TJP2: variants seen among roughly 807,000 people sequenced by gnomAD.
TJP2 encodes the protein tight junction protein 2.
TJP2 carries 91 observed loss-of-function variants against 133.1 expected under a neutral mutation model. The observed-to-expected ratio is 0.68, with a 90% CI of 0.58 to 0.81. The LOEUF (loss-of-function observed/expected upper bound fraction) is 0.81. TJP2 is among the 40% of genes least tolerant of loss of function. The pLI is 0.00. For missense variants in TJP2, 1,541 were observed against 1,565.6 expected, an observed-to-expected ratio of 0.98 and a Z score of 0.26; for synonymous variants, 592 against 583.4, an observed-to-expected ratio of 1.01 and a Z score of -0.21.
At chr9:69,201,438 G>A (rs949434710) in intron 1 of TJP2, among the ~76,000 whole-genome samples, 4 of 150,394 alleles carry the variant, frequency 2.7e-5, no homozygotes, top group South Asian at 2.1e-4. Flanking sequence ...TCCCCACCCC[G>A]CTAATCCTGT....
At chr9:69,122,479 C>CA (rs1822189291) in intron 1 of TJP2, among the ~76,000 whole-genome samples, 2 of 152,282 alleles carry the variant, frequency 1.3e-5, no homozygotes, top group South Asian at 4.1e-4. Flanking sequence ...ATTTAAACAA[C>CA]AAAAAAATTT....
intron 1 of TJP2, among the ~76,000 whole-genome samples, chr9:69,133,814 G>A (rs544524859): frequency 2.6e-5 from 4 of 152,080 alleles, no homozygotes; most frequent in Non-Finnish European, 4.4e-5. Context: ...GCCTCCCAAC[G>A]TGCTGGGATT....
chr9:69,174,520 G>T, intron 1 of TJP2, 88 bp downstream of exon 1: 1 of 1,405,690 alleles, frequency 7.1e-7, no homozygotes, highest in Non-Finnish European at 9.8e-7. Context: ...GTGCTGCTCT[G>T]AAGTTGTTCC....
chr9:69,202,451 A>G (rs1424909672), intron 1 of TJP2, among the ~76,000 whole-genome samples: 1 of 152,216 alleles, frequency 6.6e-6, no homozygotes, highest in Non-Finnish European at 1.5e-5. Context: ...ATGAGAGGTT[A>G]GGAGTGCCGA....
intron 4 of TJP2, among the ~76,000 whole-genome samples, chr9:69,220,347 T>G (rs1828722156): frequency 6.6e-6 from 1 of 152,256 alleles, no homozygotes; most frequent in Admixed American, 6.5e-5. Flanking sequence ...ATTTGGAATA[T>G]CCATCACCTT....
chr9:69,207,612 T>A (rs560269579), intron 1 of TJP2, among the ~76,000 whole-genome samples: 1 of 152,326 alleles, frequency 6.6e-6, no homozygotes, highest in South Asian at 2.1e-4. Context: ...ATACCTTTAA[T>A]TCTGATATAT....
At chr9:69,156,842 T>C (rs1823795434) in intron 2 of TJP2, among the ~76,000 whole-genome samples, 1 of 152,176 alleles carries the variant, frequency 6.6e-6, no homozygotes, top group African/African-American at 2.4e-5. Flanking sequence ...TTTACTACAT[T>C]GGTTCCATCT....
intron 1 of TJP2, among the ~76,000 whole-genome samples, chr9:69,201,818 C>T (rs1045956503): frequency 5.3e-5 from 8 of 152,122 alleles, no homozygotes; most frequent in Non-Finnish European, 8.8e-5. Context: ...ACCACGTAGA[C>T]GAACCTTGAG....
intron 1 of TJP2, among the ~76,000 whole-genome samples, chr9:69,193,364 T>A (rs765759455): frequency 1.3e-5 from 2 of 152,064 alleles, no homozygotes; most frequent in Non-Finnish European, 2.9e-5. Context: ...GGCAGTGGCC[T>A]TTGATGATTT....
At chr9:69,211,371 A>T (rs1827900772) in intron 1 of TJP2, among the ~76,000 whole-genome samples, 1 of 152,130 alleles carries the variant, frequency 6.6e-6, no homozygotes, top group Non-Finnish European at 1.5e-5. Flanking sequence ...ACCAACATAT[A>T]CACATATTAT....
At chr9:69,248,633 A>G in intron 19 of TJP2, 1 of 1,086,548 alleles carries the variant, frequency 9.2e-7, no homozygotes, top group East Asian at 5.8e-5. Flanking sequence ...AACCTTTCTA[A>G]TCTTGCCAAA....
At chr9:69,223,069 GAAAAAAAAAA>G (rs57114714) in intron 5 of TJP2, among the ~76,000 whole-genome samples, 6 of 114,120 alleles carry the variant, frequency 5.3e-5, no homozygotes, top group East Asian at 4.2e-4. Flanking sequence ...ACTCTGTCTT[GAAAAAAAAAA>G]AAAAAAAAAA....
At position 69,230,986 on chromosome 9, in the gene TJP2, TAACTC is replaced by T. The variant is rs574644315; in HGVS notation, c.1671+759_1671+763del. 5.5e-3 allele frequency among the ~76,000 whole-genome samples: 833 copies of T among 152,296 alleles called. 16 individuals carry two copies. Among genetic ancestry groups the T allele is most frequent in the Non-Finnish European group, 3.8e-3 (261 of 68,016 alleles). On this transcript the variant is annotated intron_variant, in intron 11 of 22. Transcript: ENST00000377245. Reference sequence around the variant, plus strand: ...TATAATCTGTTAAGGAATTAAAAAATAACTCAACTTGACATTTGTGTATGTGTGTG... The same window carrying T: ...TATAATCTGTTAAGGAATTAAAAAATAACTTGACATTTGTGTATGTGTGTG...
At chr9:69,184,133 CAG>C (rs1319920664) in intron 1 of TJP2, among the ~76,000 whole-genome samples, 7 of 152,246 alleles carry the variant, frequency 4.6e-5, no homozygotes, top group African/African-American at 1.7e-4. Flanking sequence ...TTCTCATGTT[CAG>C]TTTTCTCAGT....
intron 1 of TJP2, among the ~76,000 whole-genome samples, chr9:69,195,043 G>A (rs887430454): frequency 6.6e-6 from 1 of 152,208 alleles, no homozygotes; most frequent in Non-Finnish European, 1.5e-5. Flanking sequence ...GGGAGGGAAC[G>A]ATTGACCTTG....
intron 1 of TJP2, among the ~76,000 whole-genome samples, chr9:69,196,550 G>A (rs1037749267): frequency 5.9e-5 from 9 of 152,150 alleles, no homozygotes; most frequent in Non-Finnish European, 1.2e-4. Flanking sequence ...GTAAAGGGTG[G>A]AGCATGGATT....
intron 1 of TJP2, among the ~76,000 whole-genome samples, chr9:69,135,462 G>T (rs1328432314): frequency 6.6e-6 from 1 of 151,774 alleles, no homozygotes; most frequent in Non-Finnish European, 1.5e-5. Context: ...GTTTTTTGAG[G>T]CAGAGTCTCG....
Position 69,137,735 on chromosome 9 carries a change from T to C in TJP2, c.-130-13916T>C, listed in dbSNP as rs117501899. ...CTTTCCAGCTTTTCTTCAAGGTCTT[T>C]GAATCTCTTTCTGTGGGTCCCCAGA... On this transcript the variant is annotated intron_variant, in intron 1 of 5. Transcript: ENST00000423935. Among the ~76,000 whole-genome samples, 9 of 152,254 alleles carry C rather than the reference T, an allele frequency of 5.9e-5. No homozygotes were observed. In the East Asian group the frequency reaches 1.7e-3, roughly 29 times the overall value.
rs1401239500 is a variant in TJP2, at chr9:69,229,051, T to C, written c.1454-133T>C. On this transcript the variant is annotated intron_variant, in intron 9 of 22. Transcript: ENST00000377245. ...AATACTTCAGAGTTAAACGGCACTT[T>C]AGAGACTTCTTTTTGTTTGTGGTGA... The C allele has an allele frequency of 4.8e-5, 40 of 837,164 alleles. No homozygotes were observed. In the Admixed American group the frequency reaches 7.1e-4, roughly 15 times the overall value. 51.9% of individuals were successfully genotyped at this position (837,164 alleles called of 1,614,324 possible).
Sources: gnomAD v4.1 joint callset for allele counts (sites outside exome capture counted in the v4.1 genomes callset) on GRCh38, gnomAD v4.1.1 for gene constraint, MANE v1.5 for transcripts, NCBI Gene and HGNC (gene_info 2026-07-23, HGNC 2026-07-21) for gene names.